EFR3A: variants seen among roughly 807,000 people sequenced by gnomAD.
The protein encoded by EFR3A is protein EFR3 homolog A.
EFR3A carries 76 observed loss-of-function variants against 104.4 expected under a neutral mutation model. The observed-to-expected ratio is 0.73, with a 90% confidence interval of 0.60 to 0.88. EFR3A has a LOEUF of 0.88. Ranked by LOEUF, EFR3A falls within the 40% of genes least tolerant of loss-of-function variation. EFR3A has a pLI of 0.00. For synonymous variants in EFR3A, 330 were observed against 330.0 expected (o/e 1.00, Z 0.00); for missense variants, 985 against 1,012.5 (o/e 0.97, Z 0.37).
chr8:131,953,325 C>G (rs900857967), intron 5 of EFR3A, among the ~76,000 whole-genome samples: 1 of 151,868 alleles, frequency 6.6e-6, no homozygotes, highest in Non-Finnish European at 1.5e-5. Flanking sequence ...TTCGATAGTT[C>G]TTATTTGTAA....
At chr8:131,952,903 A>G (rs560971030) in intron 5 of EFR3A, among the ~76,000 whole-genome samples, 3 of 152,294 alleles carry the variant, frequency 2.0e-5, no homozygotes, top group South Asian at 4.1e-4. Context: ...TTAGAAGACA[A>G]TGCTAGGTAA....
At chr8:131,986,066 A>G (rs1356434634) in intron 16 of EFR3A, 128 bp from the exon 17 acceptor site, 1 of 465,666 alleles carries the variant, frequency 2.1e-6, no homozygotes, top group Non-Finnish European at 3.8e-6. Context: ...TTAAATTCAA[A>G]AACAAAGTGA....
At chr8:131,969,959 G>A (rs918312930) in intron 9 of EFR3A, among the ~76,000 whole-genome samples, 1 of 152,186 alleles carries the variant, frequency 6.6e-6, no homozygotes, top group East Asian at 1.9e-4. Context: ...ACATGCAGAG[G>A]ATTTATACAA....
intron 6 of EFR3A, 142 bp from the exon 7 acceptor site, chr8:131,955,626 T>G: frequency 4.8e-6 from 4 of 827,316 alleles, no homozygotes; most frequent in Non-Finnish European, 7.1e-6. Context: ...GTTAAATTCA[T>G]GAAATTAGAA....
In EFR3A at chr8:132,012,856, G is replaced by A. The variant is rs949880105; in HGVS notation, c.*1961G>A. 3 of 152,244 alleles carry A rather than the reference G, an allele frequency of 2.0e-5. No homozygotes were observed. Among genetic ancestry groups the A allele is most frequent in the Non-Finnish European group, 2.9e-5 (2 of 68,022 alleles). The allele number at this position is 152,244 out of a possible 1,614,324, so 9.4% of individuals were successfully genotyped here. A position where few individuals can be genotyped will look rare whatever the true frequency, so the allele number is the denominator to read the frequency against. ...GTTTCTTAGTGATTTTAAAATGCAT[G>A]TATTGCATGTAAAGGAAAACCATTA... is the stretch of plus-strand genomic sequence containing the variant. On this transcript the variant is annotated 3_prime_UTR_variant, in exon 23 of 23. Transcript: ENST00000254624.
At chr8:132,002,513 G>T in intron 20 of EFR3A, 90 bp from the exon 21 acceptor site, 3 of 982,628 alleles carry the variant, frequency 3.1e-6, no homozygotes, top group Non-Finnish European at 4.4e-6. Context: ...CTTAATTTTG[G>T]ATGATATATC....
At chr8:131,916,782 A>G (rs1259958233) in intron 1 of EFR3A, among the ~76,000 whole-genome samples, 1 of 152,214 alleles carries the variant, frequency 6.6e-6, no homozygotes, top group Middle Eastern at 3.2e-3. Context: ...CAATGTAGCA[A>G]GAAGCAGAAA....
At chr8:131,912,911 C>T (rs184339025) in intron 1 of EFR3A, among the ~76,000 whole-genome samples, 3 of 151,284 alleles carry the variant, frequency 2.0e-5, no homozygotes, top group East Asian at 1.9e-4. Context: ...AATCTGTGAA[C>T]GACTTTGAGA....
intron 1 of EFR3A, among the ~76,000 whole-genome samples, chr8:131,919,311 G>C (rs542713544): frequency 6.6e-6 from 1 of 152,078 alleles, no homozygotes; most frequent in African/African-American, 2.4e-5. Flanking sequence ...AAATTTACCT[G>C]TTTTGGCCGG....
intron 2 of EFR3A, among the ~76,000 whole-genome samples, chr8:131,942,208 T>A (rs1300604376): frequency 6.6e-6 from 1 of 152,110 alleles, no homozygotes; most frequent in Non-Finnish European, 1.5e-5. Context: ...AGGATTTATA[T>A]AAGATTTGTT....
chr8:131,965,206 A>G (rs995534555), intron 8 of EFR3A, among the ~76,000 whole-genome samples: 4 of 152,222 alleles, frequency 2.6e-5, no homozygotes, highest in African/African-American at 9.7e-5. Context: ...AAAAGCCACA[A>G]TTGACAAATG....
chr8:131,999,663 T>C (rs1821690292), intron 19 of EFR3A, among the ~76,000 whole-genome samples: 3 of 150,258 alleles, frequency 2.0e-5, no homozygotes. Flanking sequence ...TATATAAAAA[T>C]ATGAATCATT....
At chr8:131,951,642 T>G (rs1191077490) in intron 5 of EFR3A, among the ~76,000 whole-genome samples, 1 of 152,144 alleles carries the variant, frequency 6.6e-6, no homozygotes, top group Non-Finnish European at 1.5e-5. Flanking sequence ...TCTTGTCTTT[T>G]GAATATATTT....
intron 1 of EFR3A, among the ~76,000 whole-genome samples, chr8:131,918,992 C>G (rs998145182): frequency 6.6e-6 from 1 of 152,092 alleles, no homozygotes; most frequent in African/African-American, 2.4e-5. Context: ...TCTTTATGCT[C>G]ATAATGGTAA....
chr8:131,919,458 A>G (rs1236392972), intron 1 of EFR3A, among the ~76,000 whole-genome samples: 2 of 151,928 alleles, frequency 1.3e-5, no homozygotes, highest in African/African-American at 4.8e-5. Flanking sequence ...TTAGCCGGGT[A>G]TGGTGGCGGG....
At chr8:131,912,699 T>A (rs113511715) in intron 1 of EFR3A, among the ~76,000 whole-genome samples, 30 of 152,312 alleles carry the variant, frequency 2.0e-4, no homozygotes, top group African/African-American at 6.3e-4. Flanking sequence ...CTCAACATAA[T>A]TTTTTCAACA....
At chr8:131,936,498 C>CACACACACACACTCACAT (rs1416444592) in intron 1 of EFR3A, among the ~76,000 whole-genome samples, 1 of 151,762 alleles carries the variant, frequency 6.6e-6, no homozygotes, top group Non-Finnish European at 1.5e-5. Context: ...TCCCCTCCAG[C>CACACACACACACTCACAT]ACACACACAC....
chr8:131,956,712 A>G (rs766105775), intron 7 of EFR3A, among the ~76,000 whole-genome samples: 1 of 152,128 alleles, frequency 6.6e-6, no homozygotes, highest in Non-Finnish European at 1.5e-5. Flanking sequence ...AGCCTTAGTT[A>G]CAAGAATCTA....
In EFR3A at chr8:132,011,199, T is replaced by G; in HGVS notation, c.*304T>G. 9.7e-7 allele frequency: 1 copy of G among 1,032,076 alleles called. No homozygotes were observed. The highest frequency in any genetic ancestry group is 1.2e-6 in the Non-Finnish European group (1 of 858,578). The allele number at this position is 1,032,076 out of a possible 1,614,324, so 63.9% of individuals were successfully genotyped here. A position where few individuals can be genotyped will look rare whatever the true frequency, so the allele number is the denominator to read the frequency against. ...TAGTATGTTTTAAACTTTTCACAAA[T>G]GTAATGTTTTTTAAAAAGTAAGCCT... On this transcript the variant is annotated 3_prime_UTR_variant, in exon 23 of 23. Coordinates refer to ENST00000254624, the MANE Select transcript of EFR3A (RefSeq NM_015137.6).
Sources: allele counts gnomAD v4.1 joint callset (sites outside exome capture counted in the v4.1 genomes callset), GRCh38; gene constraint gnomAD v4.1.1; transcripts MANE v1.5; gene names NCBI Gene and HGNC (gene_info 2026-07-23, HGNC 2026-07-21).